SLC6A17: variants seen among roughly 807,000 people sequenced by gnomAD.
SLC6A17 encodes the protein sodium-dependent neutral amino acid transporter SLC6A17.
Under a neutral mutation model 64.5 loss-of-function variants are expected in SLC6A17, and 21 were observed. The observed-to-expected ratio is 0.33, with a 90% CI of 0.23 to 0.47. The LOEUF (loss-of-function observed/expected upper bound fraction) is 0.47, where lower values mean the gene tolerates loss of function less well. Ranked by LOEUF, SLC6A17 falls within the 20% of genes least tolerant of loss-of-function variation. The probability of loss-of-function intolerance (pLI) is 1.00; values close to 1 mark genes in which losing one functional copy is unlikely to be tolerated. For missense variants in SLC6A17, 682 were observed against 963.2 expected, an observed-to-expected ratio of 0.71 and a Z score of 3.86; for synonymous variants, 372 against 399.5, an observed-to-expected ratio of 0.93 and a Z score of 0.82.
In SLC6A17 at chr1:110,185,115, C is replaced by T. The variant is rs139053397; in HGVS notation, c.865-6857C>T. Among the ~76,000 whole-genome samples, 305 of 152,288 alleles carry T rather than the reference C, an allele frequency of 2.0e-3. 1 individual carries two copies. The highest frequency in any genetic ancestry group is 7.1e-3 in the African/African-American group (297 of 41,558). Reference sequence around the variant, plus strand: ...CCAGAGCGTGGGCTCTGGAGCCAGACGATCTGGTTCAGACTCTACCTCATC... The same window carrying T: ...CCAGAGCGTGGGCTCTGGAGCCAGATGATCTGGTTCAGACTCTACCTCATC... On this transcript the variant is annotated intron_variant, in intron 6 of 11. Transcript: ENST00000331565.
In SLC6A17 at chr1:110,198,114, G is replaced by T. The variant is rs772554900; in HGVS notation, c.1854G>T (p.Met618Ile). The part of the protein sequence containing the change: ...ERYLYFPNWA[M>I]ALLITLIVVA... The stretch of plus-strand genomic sequence containing the variant: ...ACCTGTATTTCCCCAACTGGGCCAT[G>T]GCACTCCTGATCACCCTCATCGTCG... The change falls in exon 12 of 12, where the codon ATG becomes ATT. Residue 618 changes from methionine to isoleucine, a missense_variant. This residue lies in a region of SLC6A17 where 264 missense variants were observed against 339.5 expected (regional missense o/e 0.78). Coordinates refer to ENST00000331565, the MANE Select transcript of SLC6A17 (RefSeq NM_001010898.4). 8.1e-6 allele frequency: 13 copies of T among 1,613,926 alleles called. No homozygotes were observed. The highest frequency in any genetic ancestry group is 1.1e-5 in the Non-Finnish European group (13 of 1,179,978).
intron 6 of SLC6A17, among the ~76,000 whole-genome samples, chr1:110,181,610 A>T (rs1656525654): frequency 6.6e-6 from 1 of 152,234 alleles, no homozygotes; most frequent in Non-Finnish European, 1.5e-5. Context: ...TGCCAAGGGG[A>T]AAAATAAAGC....
In SLC6A17 at chr1:110,174,107, T is replaced by TGGG; in HGVS notation, c.571+10_571+12dup. On this transcript the variant is annotated intron_variant, in intron 4 of 11. Coordinates refer to ENST00000331565, the MANE Select transcript of SLC6A17 (RefSeq NM_001010898.4). ...GGAATGGGAGCGTGGCAGGCAAGTA[T>TGGG]GGGGCCCAGCTGGGGATGCCAGCCA... 6.2e-7 allele frequency: 1 copy of TGGG among 1,613,780 alleles called. No individual in the cohort carries two copies. Among genetic ancestry groups the TGGG allele is most frequent in the Non-Finnish European group, 8.5e-7 (1 of 1,179,836 alleles).
At chr1:110,168,600 A>C (rs1656136763) in intron 2 of SLC6A17, among the ~76,000 whole-genome samples, 2 of 152,256 alleles carry the variant, frequency 1.3e-5, no homozygotes, top group Admixed American at 1.3e-4. Flanking sequence ...AGACTAGCCC[A>C]AAGCAAAGAT....
At chr1:110,166,722 A>T in intron 1 of SLC6A17, 121 bp from the exon 2 acceptor site, 1 of 541,992 alleles carries the variant, frequency 1.8e-6, no homozygotes, top group Non-Finnish European at 3.1e-6. Flanking sequence ...CAAGCTGCAT[A>T]TATGAGGCCC....
intron 10 of SLC6A17, among the ~76,000 whole-genome samples, chr1:110,196,568 TC>T (rs1656975881): frequency 6.6e-6 from 1 of 152,242 alleles, no homozygotes; most frequent in African/African-American, 2.4e-5. Context: ...GATTTTTGTG[TC>T]CTGGACTCCT....
intron 2 of SLC6A17, among the ~76,000 whole-genome samples, chr1:110,167,999 T>G (rs564563650): frequency 1.3e-5 from 2 of 152,294 alleles, no homozygotes; most frequent in South Asian, 4.1e-4. Context: ...GAATCCCTCT[T>G]GAGGATGTTG....
intron 6 of SLC6A17, among the ~76,000 whole-genome samples, chr1:110,188,817 AC>A (rs2100944476): frequency 6.6e-6 from 1 of 152,278 alleles, no homozygotes; most frequent in Admixed American, 6.5e-5. Context: ...GGACCTGCTT[AC>A]CCACATTGCC....
rs1232795780 is a variant in SLC6A17 at position 110,192,712 on chromosome 1, C to A, written c.1299+14C>A. On this transcript the variant is annotated intron_variant, in intron 8 of 11. Transcript: ENST00000331565. This position sits in a 1 kb window ranked among gnomAD's most constrained non-coding sequence, Gnocchi z 4.3. ...GAGCTGGACAAGGTGCGGGGACAGG[C>A]TGCCCTTCCCAGGACAGGCAGGAAC... 6.2e-7 allele frequency: 1 copy of A among 1,606,616 alleles called. No homozygotes were observed. Among genetic ancestry groups the A allele is most frequent in the Non-Finnish European group, 8.5e-7 (1 of 1,175,498 alleles).
At chr1:110,154,364 A>G (rs945174149) in intron 1 of SLC6A17, among the ~76,000 whole-genome samples, 1 of 152,216 alleles carries the variant, frequency 6.6e-6, no homozygotes, top group South Asian at 2.1e-4. Context: ...TTTCCGCAAT[A>G]CATTCTTAAT....
At chr1:110,171,953 G>T in intron 2 of SLC6A17, 107 bp from the exon 3 acceptor site, 1 of 1,434,296 alleles carries the variant, frequency 7.0e-7, no homozygotes. Flanking sequence ...GACAATTTGC[G>T]GATGACCAGA....
rs59871604 is a variant in SLC6A17 at position 110,175,000 on chromosome 1, C to T, written c.753+40C>T. Reference sequence around the variant, plus strand: ...GGGCACCCAGGACCCAAATGGGGAACAGCAGAAAGGCACAGAGGGCACAGG... The same window carrying T: ...GGGCACCCAGGACCCAAATGGGGAATAGCAGAAAGGCACAGAGGGCACAGG... On this transcript the variant is annotated intron_variant, in intron 5 of 11. Transcript: ENST00000331565. The T allele has an allele frequency of 1.4e-3, 2,281 of 1,593,062 alleles. 34 individuals are homozygous for T. In the African/African-American group the frequency reaches 0.027, roughly 19 times the overall value.
At chr1:110,151,837 G>A (rs1341667956) in intron 1 of SLC6A17, among the ~76,000 whole-genome samples, 2 of 151,492 alleles carry the variant, frequency 1.3e-5, no homozygotes, top group Non-Finnish European at 2.9e-5. Flanking sequence ...TTTGGATTAC[G>A]AGATTTCTAA....
Position 110,201,668 on chromosome 1 carries a change from G to A in SLC6A17, c.*3224G>A, listed in dbSNP as rs1443537061. 1 of 152,464 alleles carries A rather than the reference G, an allele frequency of 6.6e-6. No individual in the cohort carries two copies. The highest frequency in any genetic ancestry group is 1.5e-5 in the Non-Finnish European group (1 of 68,262). 9.4% of individuals were successfully genotyped at this position (152,464 alleles called of 1,614,324 possible). On this transcript the variant is annotated 3_prime_UTR_variant, in exon 12 of 12. Coordinates refer to ENST00000331565, the MANE Select transcript of SLC6A17 (RefSeq NM_001010898.4). ...AGGGGTTGCTGCTTTCCCAGTGCCAGGAGAACCCCCGCTCCGAGTCAGCCT... is the reference window on the plus strand; with the variant it reads ...AGGGGTTGCTGCTTTCCCAGTGCCAAGAGAACCCCCGCTCCGAGTCAGCCT...
chr1:110,196,110 G>C (rs1461304801), intron 10 of SLC6A17, among the ~76,000 whole-genome samples: 1 of 152,176 alleles, frequency 6.6e-6, no homozygotes, highest in Admixed American at 6.5e-5. Context: ...GTTCACAATT[G>C]TAAGGGCCTA....
At chr1:110,196,936 G>T (rs1433616760) in intron 10 of SLC6A17, among the ~76,000 whole-genome samples, 3 of 152,184 alleles carry the variant, frequency 2.0e-5, no homozygotes, top group Non-Finnish European at 1.5e-5. Context: ...TTAGTTAGCG[G>T]TTATTGAGGT....
chr1:110,173,905 G>C, intron 3 of SLC6A17, 68 bp from the exon 4 acceptor site: 1 of 1,574,734 alleles, frequency 6.4e-7, no homozygotes, highest in Non-Finnish European at 8.6e-7. Flanking sequence ...GCTGGGCCTC[G>C]GGTGGAGCGT....
Position 110,199,920 on chromosome 1 carries a change from T to A in SLC6A17, c.*1476T>A. 1 of 180,850 alleles carries A rather than the reference T, an allele frequency of 5.5e-6. No individual in the cohort carries two copies. The allele number at this position is 180,850 out of a possible 1,614,324, so 11.2% of individuals were successfully genotyped here. A position where few individuals can be genotyped will look rare whatever the true frequency, so the allele number is the denominator to read the frequency against. On this transcript the variant is annotated 3_prime_UTR_variant, in exon 12 of 12. Coordinates refer to ENST00000331565, the MANE Select transcript of SLC6A17 (RefSeq NM_001010898.4). The stretch of plus-strand genomic sequence containing the variant: ...ATGGATAGATGGATGGATGGATGGA[T>A]GGATGGGTTGGGGGGTGGGGGTGGA...
intron 1 of SLC6A17, 50 bp downstream of exon 1, chr1:110,150,933 A>G (rs1655581854): frequency 1.3e-5 from 2 of 152,166 alleles, no homozygotes; most frequent in South Asian, 2.1e-4. Context: ...GGCCACTGCA[A>G]CTTTCCCTGT....
Sources: gnomAD v4.1 joint callset for allele counts (sites outside exome capture counted in the v4.1 genomes callset) on GRCh38, gnomAD v4.1.1 for gene constraint, gnomAD v4.1.1 regional missense constraint, Gnocchi (gnomAD v3.1) non-coding constraint, MANE v1.5 for transcripts, NCBI Gene and HGNC (gene_info 2026-07-23, HGNC 2026-07-21) for gene names.